The following STK36 variants were observed in gnomAD, a reference collection of about 807,000 sequenced individuals.
The protein encoded by STK36 is serine/threonine-protein kinase 36.
STK36 carries 116 observed loss-of-function variants against 142.2 expected under a neutral mutation model. The observed-to-expected ratio is 0.82, with a 90% CI of 0.70 to 0.95. The LOEUF (loss-of-function observed/expected upper bound fraction) is 0.95. Ranked by LOEUF, STK36 falls within the 40% of genes least tolerant of loss-of-function variation. The pLI is 0.00. For missense variants in STK36, 1,422 were observed against 1,617.2 expected, an observed-to-expected ratio of 0.88 and a Z score of 2.07; for synonymous variants, 619 against 641.7, an observed-to-expected ratio of 0.96 and a Z score of 0.53.
chr2:218,673,692 A>G lies in STK36; in HGVS notation c.152A>G (p.Glu51Gly). The change falls in exon 3 of 27, where the codon GAG becomes GGG. Residue 51 changes from glutamate (E) to glycine (G), a missense_variant. Coordinates refer to ENST00000295709, the MANE Select transcript of STK36 (RefSeq NM_015690.5). ...SEKELRNLQREIEIMRGLRHP... is the reference protein window; with the variant it reads ...SEKELRNLQRGIEIMRGLRHP... ...AAGGAGCTGAGGAATTTGCAACGAG[A>G]GATTGAAATAATGCGGGGTCTGCGG... 4 of 1,614,162 alleles carry G rather than the reference A, an allele frequency of 2.5e-6. No homozygotes were observed. Among genetic ancestry groups the G allele is most frequent in the Non-Finnish European group, 3.4e-6 (4 of 1,180,022 alleles).
At position 218,677,059 on chromosome 2, in the gene STK36, G is replaced by A. The variant is rs565810214; in HGVS notation, c.684+781G>A. ...AGCAATTCTTCTGCCTCAGCCTCCC[G>A]AGTAGCTGGGATTACAGGCATGCAC... On this transcript the variant is annotated intron_variant, in intron 6 of 26. Coordinates refer to ENST00000295709, the MANE Select transcript of STK36 (RefSeq NM_015690.5). 2.0e-5 allele frequency among the ~76,000 whole-genome samples: 3 copies of A among 152,228 alleles called. No individual in the cohort carries two copies. The East Asian group carries it at 5.8e-4, about 29-fold the overall frequency.
intron 14 of STK36, among the ~76,000 whole-genome samples, chr2:218,691,295 C>T (rs1465854471): frequency 6.6e-6 from 1 of 152,144 alleles, no homozygotes; most frequent in Non-Finnish European, 1.5e-5. Context: ...GAACATAGAT[C>T]TGGACTACTA....
rs1427358187 is a variant in STK36, at chr2:218,694,769, C to T, written c.2511+134C>T. 1 of 742,266 alleles carries T rather than the reference C, an allele frequency of 1.3e-6. No homozygotes were observed. The highest frequency in any genetic ancestry group is 2.2e-6 in the Non-Finnish European group (1 of 449,788). The allele number at this position is 742,266 out of a possible 1,614,324, so 46.0% of individuals were successfully genotyped here. A position where few individuals can be genotyped will look rare whatever the true frequency, so the allele number is the denominator to read the frequency against. On this transcript the variant is annotated intron_variant, in intron 21 of 26. Transcript: ENST00000295709. The surrounding 1 kb of genome is among the most constrained non-coding windows in gnomAD (Gnocchi z 4.4). ...ATGGAAAAGGAATCAAGGAGCCCTT[C>T]CTTTTCTAGATTTGTCGCCGGATGA...
In STK36 at chr2:218,698,759, G is replaced by A; in HGVS notation, c.3215G>A (p.Ser1072Asn). 7 of 1,614,164 alleles carry A rather than the reference G, an allele frequency of 4.3e-6. No individual in the cohort carries two copies. The highest frequency in any genetic ancestry group is 5.9e-6 in the Non-Finnish European group (7 of 1,180,028). The change falls in exon 26 of 27, where the codon AGT becomes AAT. Residue 1072 changes from serine to asparagine, a missense_variant. By Grantham distance (46) the Ser-to-Asn change is conservative (BLOSUM62 1). Around this residue, in one of 2 missense-constraint regions of STK36, gnomAD observed 962 missense variants for 1,167.5 expected, o/e 0.82. Transcript: ENST00000295709. ...TCGTTTCTCTCAGTTGCCCTCCTGAGTGACCAGCCACTGTTGACCTCCGAC... is the reference window on the plus strand; with the variant it reads ...TCGTTTCTCTCAGTTGCCCTCCTGAATGACCAGCCACTGTTGACCTCCGAC... ...IVSFLSVALL[S>N]DQPLLTSDLL...
At chr2:218,696,438 C>G in intron 21 of STK36, 89 bp from the exon 22 acceptor site, 1 of 1,117,462 alleles carries the variant, frequency 8.9e-7, no homozygotes, top group Admixed American at 1.7e-5. Flanking sequence ...AAATCTGTTC[C>G]CTCCATGGCA....
chr2:218,679,850 A>G (rs1559332023), intron 8 of STK36, 43 bp from the exon 9 acceptor site: 1 of 1,606,480 alleles, frequency 6.2e-7, no homozygotes, highest in Non-Finnish European at 8.5e-7. Context: ...GTCCTATAGC[A>G]ATCAAATAGC....
chr2:218,684,106 C>CTTTTTTTTTTTTTT (rs35807157), intron 10 of STK36, among the ~76,000 whole-genome samples: 1 of 105,186 alleles, frequency 9.5e-6, no homozygotes, highest in Non-Finnish European at 1.9e-5. Context: ...GCCTCACGAT[C>CTTTTTTTTTTTTTT]TTTTTTTTTT....
In STK36 at chr2:218,679,878, C is replaced by T; in HGVS notation, c.949-15C>T. The T allele has an allele frequency of 6.2e-7, 1 of 1,611,186 alleles. No individual in the cohort carries two copies. Among genetic ancestry groups the T allele is most frequent in the Non-Finnish European group, 8.5e-7 (1 of 1,178,252 alleles). ...CAAATAGCTCTGATTCAGTGTTGCC[C>T]CCTACCTCCCACAGAAACATCAGAA... On this transcript the variant is annotated splice_polypyrimidine_tract_variant and intron_variant, in intron 8 of 26. Transcript: ENST00000295709.
At chr2:218,691,472 G>A (rs1484862045) in intron 14 of STK36, among the ~76,000 whole-genome samples, 1 of 152,058 alleles carries the variant, frequency 6.6e-6, no homozygotes, top group Non-Finnish European at 1.5e-5. Flanking sequence ...GAATAGAATG[G>A]GGAGTTTGGA....
chr2:218,701,945 G>C lies in STK36; in HGVS notation c.3884G>C (p.Arg1295Thr), dbSNP rs376214442. 3.7e-6 allele frequency: 6 copies of C among 1,614,094 alleles called. No individual in the cohort carries two copies. Among genetic ancestry groups the C allele is most frequent in the Non-Finnish European group, 5.1e-6 (6 of 1,180,006 alleles). The part of the protein sequence containing the change: ...GNQSLPHSSP[R>T]PASAKHCRKL... ...CAGTCACTGCCACACAGCAGTCCTA[G>C]GCCTGCCTCTGCCAAACACTGCAGG... The change falls in exon 27 of 27, where the codon AGG becomes ACG. Residue 1295 changes from arginine (R) to threonine (T), a missense_variant. Physicochemically the swap from Arg to Thr is moderately conservative, Grantham distance 71. Transcript: ENST00000295709.
At position 218,697,952 on chromosome 2, in the gene STK36, G is replaced by A. The variant is rs1863704; in HGVS notation, c.3008G>A (p.Gly1003Asp). 571,970 of 1,613,918 alleles carry A rather than the reference G, an allele frequency of 0.35. 108,220 individuals are homozygous for A. Among genetic ancestry groups the A allele is most frequent in the Non-Finnish European group, 0.39 (460,188 of 1,179,942 alleles). ...ALDMDADLLI[G>D]VLADLRDSEV... is the part of the protein sequence containing the mutation. ...GACATGGATGCTGACCTCCTTATAG[G>A]TGTCTTGGCCGACCTCAGGGACTCA... The change falls in exon 25 of 27, where the codon GGT (glycine) becomes GAT (aspartate). Residue 1003 changes from glycine (G) to aspartate (D), a missense_variant. By Grantham distance (94) the Gly-to-Asp change is moderately conservative. Transcript: ENST00000295709.
In STK36 at chr2:218,699,171, G is replaced by A. The variant is rs1243218104; in HGVS notation, c.3627G>A (p.Arg1209=). The A allele has an allele frequency of 3.7e-6, 6 of 1,613,970 alleles. No individual in the cohort carries two copies. Among genetic ancestry groups the A allele is most frequent in the Non-Finnish European group, 5.1e-6 (6 of 1,180,036 alleles). The change falls in exon 26 of 27, where the codon CGG becomes CGA. Residue 1209 remains arginine, a synonymous_variant. Coordinates refer to ENST00000295709, the MANE Select transcript of STK36 (RefSeq NM_015690.5). ...TTGGAGATCCTCAGGCTGGTATCCG[G>A]CGCAATGTTGCATCAGCTCTGGGCA... ...QLLGDPQAGI[R]RNVASALGNL...
intron 13 of STK36, 54 bp from the exon 14 acceptor site, chr2:218,690,396 A>G: frequency 1.4e-6 from 2 of 1,475,790 alleles, no homozygotes; most frequent in South Asian, 2.3e-5. Flanking sequence ...CATTCACCAC[A>G]TCCAGGCTTT....
chr2:218,674,938 T>A (rs544533961), intron 4 of STK36, among the ~76,000 whole-genome samples: 8 of 152,326 alleles, frequency 5.3e-5, no homozygotes, highest in African/African-American at 1.7e-4. Flanking sequence ...TTTGTCTGAC[T>A]ACTTTTCTTG....
At chr2:218,680,821 A>T in intron 10 of STK36, 119 bp downstream of exon 10, 2 of 722,930 alleles carry the variant, frequency 2.8e-6, no homozygotes, top group Non-Finnish European at 2.3e-6. Flanking sequence ...TGTGTTAAAA[A>T]GTATTGCTTT....
chr2:218,688,322 A>T, intron 11 of STK36: 1 of 464,376 alleles, frequency 2.2e-6, no homozygotes, highest in Non-Finnish European at 4.3e-6. Flanking sequence ...TGGTTAAATA[A>T]TATTGTTTTA....
At position 218,673,758 on chromosome 2, in the gene STK36, A is replaced by G. The variant is rs760698830; in HGVS notation, c.218A>G (p.Asp73Gly). Residue 73 changes from aspartate (D) to glycine (G), a missense_variant, in exon 3 of 27, where the codon GAT becomes GGT. Asp to Gly is a moderately conservative substitution (Grantham distance 94, BLOSUM62 -1). Around this residue, in one of 2 missense-constraint regions of STK36, gnomAD observed 460 missense variants for 449.6 expected, o/e 1.02. Transcript: ENST00000295709. The part of the protein sequence containing the change: ...IVHMLDSFET[D>G]KEVVVVTDYA... ...CATATGCTTGACAGCTTTGAAACTG[A>G]TAAAGAGGTGTGCTTTGACAGTTTT... The G allele has an allele frequency of 1.1e-5, 17 of 1,613,836 alleles. No homozygotes were observed. In the Middle Eastern group the frequency reaches 4.9e-4, roughly 47 times the overall value.
At chr2:218,690,882 A>C (rs767496877) in intron 14 of STK36, among the ~76,000 whole-genome samples, 1 of 152,264 alleles carries the variant, frequency 6.6e-6, no homozygotes, top group Admixed American at 6.5e-5. Context: ...TTGGAGTATC[A>C]TAGAAGAAAT....
Position 218,694,093 on chromosome 2 carries a change from A to T in STK36, c.2336+110A>T. 7.8e-7 allele frequency: 1 copy of T among 1,275,608 alleles called. No homozygotes were observed. The highest frequency in any genetic ancestry group is 1.1e-6 in the Non-Finnish European group (1 of 879,942). 79.0% of individuals were successfully genotyped at this position (1,275,608 alleles called of 1,614,324 possible). On this transcript the variant is annotated intron_variant, in intron 19 of 26. Coordinates refer to ENST00000295709, the MANE Select transcript of STK36 (RefSeq NM_015690.5). The surrounding 1 kb of genome is among the most constrained non-coding windows in gnomAD (Gnocchi z 4.4). Reference sequence around the variant, plus strand: ...CAGCATATCCTTAGGAGGAATTGGGATAGAGAGCGTGAAGCTTTCTCTACA... The same window carrying T: ...CAGCATATCCTTAGGAGGAATTGGGTTAGAGAGCGTGAAGCTTTCTCTACA...
Sources: allele counts gnomAD v4.1 joint callset (sites outside exome capture counted in the v4.1 genomes callset), GRCh38; gene constraint gnomAD v4.1.1; regional missense constraint gnomAD v4.1.1; non-coding constraint Gnocchi (gnomAD v3.1); transcripts MANE v1.5; gene names NCBI Gene and HGNC (gene_info 2026-07-23, HGNC 2026-07-21).